The following EFL1 variants were observed in gnomAD, a reference collection of about 807,000 sequenced individuals.
The protein encoded by EFL1 is elongation factor like GTPase 1, also known as elongation factor-like GTPase 1.
EFL1 carries 76 observed loss-of-function variants against 126.7 expected under a neutral mutation model. That is an observed-to-expected ratio of 0.60 (90% CI 0.50 to 0.73). EFL1 has a LOEUF of 0.73. Among genes scored for constraint, EFL1 ranks in the 30% least tolerant of loss-of-function variants. EFL1 has a pLI of 0.00. For missense variants in EFL1, 1,128 were observed against 1,343.2 expected (o/e 0.84, Z 2.50); for synonymous variants, 410 against 448.4 (o/e 0.91, Z 1.08).
chr15:82,249,144 A>G (rs1253551332), intron 4 of EFL1, among the ~76,000 whole-genome samples: 4 of 152,046 alleles, frequency 2.6e-5, no homozygotes, highest in African/African-American at 9.7e-5. Flanking sequence ...TAAATTTTCT[A>G]TAGTAAATAT....
intron 17 of EFL1, among the ~76,000 whole-genome samples, chr15:82,155,210 G>T (rs2073954685): frequency 6.6e-6 from 1 of 151,728 alleles, no homozygotes; most frequent in African/African-American, 2.4e-5. Flanking sequence ...CTAAAATTTT[G>T]TTGCCATGAG....
At chr15:82,165,067 G>A (rs1050724166) in intron 15 of EFL1, among the ~76,000 whole-genome samples, 3 of 152,106 alleles carry the variant, frequency 2.0e-5, no homozygotes, top group Non-Finnish European at 4.4e-5. Flanking sequence ...GAGGTCAGGA[G>A]TTCAAGACCA....
At chr15:82,162,701 C>T (rs1210773648) in intron 16 of EFL1, among the ~76,000 whole-genome samples, 4 of 152,128 alleles carry the variant, frequency 2.6e-5, no homozygotes, top group Admixed American at 2.6e-4. Flanking sequence ...AGGGCTGGCC[C>T]CAAAGGTCAG....
intron 18 of EFL1, among the ~76,000 whole-genome samples, chr15:82,143,711 C>T (rs74343489): frequency 0.018 from 2,707 of 152,214 alleles, 32 homozygotes; most frequent in Middle Eastern, 0.027. Context: ...AGGTCAAACC[C>T]ACTGTGGAAA....
At chr15:82,159,224 AC>A (rs1339997626) in intron 16 of EFL1, among the ~76,000 whole-genome samples, 1 of 152,150 alleles carries the variant, frequency 6.6e-6, no homozygotes, top group Non-Finnish European at 1.5e-5. Flanking sequence ...AGAATTTTAA[AC>A]CTGGCTTAAA....
chr15:82,225,844 A>T (rs554122720), intron 11 of EFL1, among the ~76,000 whole-genome samples: 2 of 152,268 alleles, frequency 1.3e-5, no homozygotes, highest in South Asian at 4.1e-4. Context: ...TAACATATGA[A>T]CATTTTCCTT....
intron 7 of EFL1, 54 bp from the exon 8 acceptor site, chr15:82,231,025 T>C (rs2074817243): frequency 1.9e-6 from 3 of 1,579,418 alleles, no homozygotes; most frequent in Non-Finnish European, 1.7e-6. Flanking sequence ...TTGATTTCTG[T>C]GACAGGTACT....
intron 15 of EFL1, among the ~76,000 whole-genome samples, chr15:82,184,961 G>A (rs141557256): frequency 2.2e-4 from 33 of 152,270 alleles, no homozygotes; most frequent in African/African-American, 7.7e-4. Flanking sequence ...CTAATAAATA[G>A]GAGACCTTCA....
Position 82,225,155 on chromosome 15 carries a change from T to C in EFL1, c.1292+10A>G. 6.3e-7 allele frequency: 1 copy of C among 1,597,222 alleles called. No homozygotes were observed. Among genetic ancestry groups the C allele is most frequent in the Middle Eastern group, 1.7e-4 (1 of 5,996 alleles). ...TTCCTAGCCCAGCCCAACTTTCCCC[T>C]TTCCCTTACCTTGGCTTATTCTGAG... is the stretch of plus-strand genomic sequence containing the variant. On this transcript the variant is annotated intron_variant, in intron 12 of 19. Coordinates refer to ENST00000268206, the MANE Select transcript of EFL1 (RefSeq NM_024580.6).
intron 15 of EFL1, among the ~76,000 whole-genome samples, chr15:82,172,885 T>C (rs1229172356): frequency 1.3e-5 from 2 of 152,196 alleles, no homozygotes; most frequent in East Asian, 1.9e-4. Context: ...CTTTTATTTA[T>C]CCCTTACATT....
At chr15:82,236,187 G>C (rs2074871095) in intron 7 of EFL1, among the ~76,000 whole-genome samples, 1 of 151,964 alleles carries the variant, frequency 6.6e-6, no homozygotes, top group African/African-American at 2.4e-5. Context: ...TAAAAGGAGA[G>C]GCATAGTGTT....
At chr15:82,192,401 C>CAA (rs59214257) in intron 15 of EFL1, among the ~76,000 whole-genome samples, 1,557 of 86,138 alleles carry the variant, frequency 0.018, 23 homozygotes, top group African/African-American at 0.03. Flanking sequence ...AATTCCGTCT[C>CAA]AAAAAAAAAA....
intron 18 of EFL1, among the ~76,000 whole-genome samples, chr15:82,141,923 TA>T (rs1450716321): frequency 6.6e-6 from 1 of 152,196 alleles, no homozygotes; most frequent in Non-Finnish European, 1.5e-5. Context: ...CATTCAATTT[TA>T]ATTCCATGAA....
At chr15:82,212,932 AG>A (rs1368824345) in intron 15 of EFL1, among the ~76,000 whole-genome samples, 1 of 152,214 alleles carries the variant, frequency 6.6e-6, no homozygotes, top group African/African-American at 2.4e-5. Context: ...TCTTCCTGCG[AG>A]GAATGTGGGT....
intron 15 of EFL1, among the ~76,000 whole-genome samples, chr15:82,210,101 T>A (rs542771682): frequency 3.3e-5 from 5 of 152,370 alleles, no homozygotes; most frequent in African/African-American, 1.2e-4. Context: ...AGTTTACAGG[T>A]GTGCCCTGAT....
chr15:82,132,692 G>GC (rs2073669420), intron 19 of EFL1, among the ~76,000 whole-genome samples: 2 of 113,378 alleles, frequency 1.8e-5, no homozygotes, highest in Admixed American at 9.6e-5. Context: ...GGGGGGGGGG[G>GC]GGGGTAGGCA....
intron 15 of EFL1, among the ~76,000 whole-genome samples, chr15:82,174,041 T>G (rs993404262): frequency 7.2e-5 from 11 of 152,062 alleles, no homozygotes; most frequent in African/African-American, 2.4e-4. Flanking sequence ...TACAAAAAAT[T>G]AGCCGGAGGT....
At chr15:82,137,101 T>A (rs1008565616) in intron 19 of EFL1, among the ~76,000 whole-genome samples, 1 of 152,144 alleles carries the variant, frequency 6.6e-6, no homozygotes, top group Non-Finnish European at 1.5e-5. Flanking sequence ...TTAGATGATA[T>A]GAACTTGCTG....
In EFL1 at chr15:82,189,487, C is replaced by A. The variant is rs144150338; in HGVS notation, c.1750+25230G>T. 8.5e-5 allele frequency among the ~76,000 whole-genome samples: 13 copies of A among 152,266 alleles called. No homozygotes were observed. The East Asian group carries it at 2.3e-3, about 27-fold the overall frequency. On this transcript the variant is annotated intron_variant, in intron 15 of 19. Transcript: ENST00000268206. ...AAGAAGAGATGCTTGATGTTGACTTCATTTTCTTTTCTTTAACTATTATTT... is the reference window on the plus strand; with the variant it reads ...AAGAAGAGATGCTTGATGTTGACTTAATTTTCTTTTCTTTAACTATTATTT...
Sources: allele counts gnomAD v4.1 joint callset (sites outside exome capture counted in the v4.1 genomes callset), GRCh38; gene constraint gnomAD v4.1.1; transcripts MANE v1.5; gene names NCBI Gene and HGNC (gene_info 2026-07-23, HGNC 2026-07-21).